Variants in ASIC2 observed in about 807,000 individuals in gnomAD.
The protein encoded by ASIC2 is acid-sensing ion channel 2.
In ASIC2, 25 loss-of-function variants were observed where a neutral mutation model predicts 57.3. That is an observed-to-expected ratio of 0.44 (90% CI 0.32 to 0.61). The LOEUF is 0.61. ASIC2 is among the 20% of genes least tolerant of loss of function. The pLI is 0.06. For missense variants in ASIC2, 641 were observed against 738.1 expected (o/e 0.87, Z 1.52); for synonymous variants, 319 against 307.5 (o/e 1.04, Z -0.39).
intron 1 of ASIC2, among the ~76,000 whole-genome samples, chr17:33,650,025 G>A (rs1363686503): frequency 6.6e-6 from 1 of 152,138 alleles, no homozygotes; most frequent in East Asian, 1.9e-4. Flanking sequence ...CTATTTGAAA[G>A]ACTCTCTTAA....
At chr17:33,578,080 C>T (rs529951080) in intron 1 of ASIC2, among the ~76,000 whole-genome samples, 95 of 152,312 alleles carry the variant, frequency 6.2e-4, no homozygotes, top group African/African-American at 2.2e-3. Flanking sequence ...AACATACTTC[C>T]CGTCTCCTAA....
intron 1 of ASIC2, among the ~76,000 whole-genome samples, chr17:33,890,392 TA>T (rs1282582696): frequency 1.3e-5 from 2 of 152,248 alleles, no homozygotes; most frequent in East Asian, 3.8e-4. Context: ...GCATGTCTTC[TA>T]TTGCAGCTGC....
intron 1 of ASIC2, among the ~76,000 whole-genome samples, chr17:33,743,326 A>C (rs1910165231): frequency 6.6e-6 from 1 of 152,216 alleles, no homozygotes; most frequent in Non-Finnish European, 1.5e-5. Context: ...CCTATCTTCC[A>C]CCCACTACCC....
At chr17:33,585,458 A>G (rs1309081017) in intron 1 of ASIC2, among the ~76,000 whole-genome samples, 2 of 152,196 alleles carry the variant, frequency 1.3e-5, no homozygotes, top group African/African-American at 2.4e-5. Flanking sequence ...CAAACCCAGA[A>G]CAAATCAACT....
intron 1 of ASIC2, among the ~76,000 whole-genome samples, chr17:33,628,260 A>G (rs1906049157): frequency 6.6e-6 from 1 of 151,580 alleles, no homozygotes; most frequent in Non-Finnish European, 1.5e-5. Flanking sequence ...AAAATCAGAA[A>G]GTAATTGATT....
At chr17:33,409,264 GTCA>G (rs1420383831) in intron 1 of ASIC2, among the ~76,000 whole-genome samples, 1 of 152,120 alleles carries the variant, frequency 6.6e-6, no homozygotes, top group East Asian at 1.9e-4. Context: ...TCCTCCAGAG[GTCA>G]TCAACTCCAA....
intron 1 of ASIC2, among the ~76,000 whole-genome samples, chr17:33,116,072 A>G (rs748667163): frequency 2.6e-5 from 4 of 152,158 alleles, no homozygotes; most frequent in Non-Finnish European, 5.9e-5. Context: ...AAGGCATTAG[A>G]GGAAATAATC....
At position 33,148,018 on chromosome 17, in the gene ASIC2, G is replaced by A. The variant is rs113929981; in HGVS notation, c.709-35951C>T. Among the ~76,000 whole-genome samples the A allele has an allele frequency of 3.1e-3, 475 of 152,310 alleles. 2 individuals are homozygous for A. The highest frequency in any genetic ancestry group is 0.011 in the African/African-American group (452 of 41,564). ...TGAACAGATGCAGGAAGTGAGGCCT[G>A]GAGAGGGGCAAAGACCAGAGTAGAA... is the stretch of plus-strand genomic sequence containing the variant. On this transcript the variant is annotated intron_variant, in intron 1 of 9. Transcript: ENST00000225823.
chr17:34,123,573 G>A (rs1911689861), intron 1 of ASIC2, among the ~76,000 whole-genome samples: 1 of 152,162 alleles, frequency 6.6e-6, no homozygotes, highest in African/African-American at 2.4e-5. Context: ...TGACTGCATA[G>A]GTGGTGTATT....
chr17:33,393,233 T>G (rs1380788497), intron 1 of ASIC2, among the ~76,000 whole-genome samples: 1 of 152,182 alleles, frequency 6.6e-6, no homozygotes, highest in Non-Finnish European at 1.5e-5. Flanking sequence ...ATCTTCCCAA[T>G]GTACCTTAAT....
At chr17:33,894,944 A>G (rs1264602760) in intron 1 of ASIC2, among the ~76,000 whole-genome samples, 1 of 152,118 alleles carries the variant, frequency 6.6e-6, no homozygotes, top group Non-Finnish European at 1.5e-5. Flanking sequence ...TCCTGAATGC[A>G]TGAACTACTC....
chr17:33,093,197 T>G (rs776143299), intron 2 of ASIC2, among the ~76,000 whole-genome samples: 2 of 152,140 alleles, frequency 1.3e-5, no homozygotes, highest in Non-Finnish European at 2.9e-5. Flanking sequence ...TAAAAGAATT[T>G]CAAGACAGCA....
chr17:33,605,622 A>G (rs1300685892), intron 1 of ASIC2, among the ~76,000 whole-genome samples: 1 of 152,194 alleles, frequency 6.6e-6, no homozygotes, highest in Non-Finnish European at 1.5e-5. Context: ...AAAAAAAGAA[A>G]TATGAAATTA....
At chr17:33,579,597 G>A (rs184828406) in intron 1 of ASIC2, among the ~76,000 whole-genome samples, 5 of 151,980 alleles carry the variant, frequency 3.3e-5, no homozygotes, top group Admixed American at 3.3e-4. Flanking sequence ...TAAAGATGGT[G>A]TGTCGGGAGT....
At position 33,889,232 on chromosome 17, in the gene ASIC2, C is replaced by G. The variant is rs576517670; in HGVS notation, c.555+266746G>C. ...CTCCTTGGAGAGCATCTGGTTCAAC[C>G]CCCCCTCGTTTTTCAGATGAAGAAC... On this transcript the variant is annotated intron_variant, in intron 1 of 9. Coordinates refer to the ASIC2 transcript ENST00000359872. Among the ~76,000 whole-genome samples, 67 of 152,130 alleles carry G rather than the reference C, an allele frequency of 4.4e-4. 1 individual carries two copies. The South Asian group carries it at 9.6e-3, about 22-fold the overall frequency.
intron 1 of ASIC2, among the ~76,000 whole-genome samples, chr17:33,492,125 C>A (rs73983911): frequency 0.01 from 1,531 of 152,314 alleles, 24 homozygotes; most frequent in African/African-American, 0.035. Flanking sequence ...AGTTGCAATA[C>A]CCGTAATGTA....
chr17:33,951,760 T>A (rs1254313012), intron 1 of ASIC2, among the ~76,000 whole-genome samples: 2 of 147,724 alleles, frequency 1.4e-5, no homozygotes, highest in African/African-American at 4.9e-5. Context: ...TTTTTGTATT[T>A]TTTTTTTTTT....
intron 1 of ASIC2, among the ~76,000 whole-genome samples, chr17:33,289,905 C>G (rs1555593666): frequency 2.6e-5 from 4 of 151,434 alleles, no homozygotes; most frequent in Non-Finnish European, 5.9e-5. Flanking sequence ...TAGTGATCAG[C>G]AAAAAAAACA....
intron 1 of ASIC2, among the ~76,000 whole-genome samples, chr17:33,245,743 C>G (rs1052162057): frequency 6.6e-6 from 1 of 152,058 alleles, no homozygotes; most frequent in Non-Finnish European, 1.5e-5. Flanking sequence ...GTGGGCTCCT[C>G]AAGAAACTGG....
Sources: gnomAD v4.1 joint callset for allele counts (sites outside exome capture counted in the v4.1 genomes callset) on GRCh38, gnomAD v4.1.1 for gene constraint, MANE v1.5 for transcripts, NCBI Gene and HGNC (gene_info 2026-07-23, HGNC 2026-07-21) for gene names.